KCNH1: variants seen among roughly 807,000 people sequenced by gnomAD.
KCNH1 encodes potassium voltage-gated channel subfamily H member 1.
A neutral mutation model predicts 69.2 loss-of-function variants in KCNH1; 27 were observed. The ratio of observed to expected loss-of-function variants is 0.39; its 90% CI spans 0.29 to 0.54. The LOEUF (loss-of-function observed/expected upper bound fraction) is 0.54, where lower values mean the gene tolerates loss of function less well. Among genes scored for constraint, KCNH1 ranks in the 20% least tolerant of loss-of-function variants. The probability of loss-of-function intolerance (pLI) is 0.68; values close to 1 mark genes in which losing one functional copy is unlikely to be tolerated. For missense variants in KCNH1, 798 were observed against 1,261.6 expected (o/e 0.63, Z 5.57); for synonymous variants, 456 against 487.7 (o/e 0.93, Z 0.86).
At chr1:210,790,382 G>A (rs550832715) in intron 9 of KCNH1, among the ~76,000 whole-genome samples, 26 of 152,164 alleles carry the variant, frequency 1.7e-4, no homozygotes, top group African/African-American at 6.0e-4. Flanking sequence ...TACCACTGAT[G>A]CCTCCATTTC....
intron 7 of KCNH1, among the ~76,000 whole-genome samples, chr1:210,810,323 A>G (rs1684676815): frequency 6.6e-6 from 1 of 152,142 alleles, no homozygotes. Flanking sequence ...TCTCTCTAGA[A>G]ACGCTTTCTA....
At chr1:211,067,144 T>G (rs1253173229) in intron 5 of KCNH1, among the ~76,000 whole-genome samples, 1 of 152,192 alleles carries the variant, frequency 6.6e-6, no homozygotes, top group African/African-American at 2.4e-5. Flanking sequence ...CACTCCCGCA[T>G]GGAAGCCACA....
intron 6 of KCNH1, among the ~76,000 whole-genome samples, chr1:211,014,338 GCT>G (rs1558568198): frequency 2.6e-5 from 4 of 152,118 alleles, no homozygotes; most frequent in African/African-American, 9.7e-5. Context: ...GCTTTAGTTC[GCT>G]CTGTTTCCAG....
intron 1 of KCNH1, among the ~76,000 whole-genome samples, chr1:211,132,056 CTTTT>C (rs1691885845): frequency 1.3e-5 from 2 of 152,194 alleles, no homozygotes; most frequent in African/African-American, 2.4e-5. Flanking sequence ...CATCTTGTGA[CTTTT>C]ACATGTAAGT....
At chr1:210,844,852 A>G (rs1326111102) in intron 7 of KCNH1, among the ~76,000 whole-genome samples, 1 of 152,134 alleles carries the variant, frequency 6.6e-6, no homozygotes, top group East Asian at 1.9e-4. Context: ...AAGAAGAAAA[A>G]AGAGAAGAAT....
At chr1:210,926,017 G>C (rs1397994840) in intron 6 of KCNH1, among the ~76,000 whole-genome samples, 1 of 152,190 alleles carries the variant, frequency 6.6e-6, no homozygotes, top group Admixed American at 6.5e-5. Context: ...CCAACACTTT[G>C]GGAGGCCGAG....
chr1:210,698,789 CTG>C (rs757431277), intron 10 of KCNH1, among the ~76,000 whole-genome samples: 7 of 152,190 alleles, frequency 4.6e-5, no homozygotes, highest in Non-Finnish European at 1.0e-4. Context: ...GGGAACGAGA[CTG>C]TACACAGTGA....
At position 210,873,027 on chromosome 1, in the gene KCNH1, C is replaced by T. The variant is rs185694382; in HGVS notation, c.1462+46613G>A. On this transcript the variant is annotated intron_variant, in intron 7 of 10. Transcript: ENST00000271751. ...ATTTTCAAAGTCCTACTATTCCTTT[C>T]AAGTCCTACTGGGCTTTCTGTAGCT... Among the ~76,000 whole-genome samples, 3 of 152,352 alleles carry T rather than the reference C, an allele frequency of 2.0e-5. No homozygotes were observed. In the East Asian group the frequency reaches 5.8e-4, roughly 29 times the overall value.
rs367651487 is a variant in KCNH1, at chr1:210,952,951, T to C, written c.1033-32882A>G. ...GGTTTTTATTTGGTTGGTTAATTGG[T>C]TGACTGGTTGGTTTTTGATTAGCTC... On this transcript the variant is annotated intron_variant, in intron 6 of 10. Coordinates refer to ENST00000271751, the MANE Select transcript of KCNH1 (RefSeq NM_172362.3). 5.3e-5 allele frequency among the ~76,000 whole-genome samples: 8 copies of C among 152,342 alleles called. No individual in the cohort carries two copies. The East Asian group carries it at 1.5e-3, about 29-fold the overall frequency.
At chr1:211,099,830 G>C (rs1056181171) in intron 3 of KCNH1, among the ~76,000 whole-genome samples, 2 of 152,146 alleles carry the variant, frequency 1.3e-5, no homozygotes, top group Admixed American at 1.3e-4. Context: ...CCAAACTAAG[G>C]GAGGAGCCCA....
At chr1:210,832,676 T>A (rs1329735308) in intron 7 of KCNH1, among the ~76,000 whole-genome samples, 1 of 151,976 alleles carries the variant, frequency 6.6e-6, no homozygotes, top group Non-Finnish European at 1.5e-5. Context: ...CTTTCAGAGA[T>A]CACAAATGAC....
At chr1:210,925,572 C>T (rs1015064877) in intron 6 of KCNH1, among the ~76,000 whole-genome samples, 1 of 152,144 alleles carries the variant, frequency 6.6e-6, no homozygotes, top group Non-Finnish European at 1.5e-5. Flanking sequence ...CAGAGGGCTG[C>T]GTGGGAGCAG....
At chr1:211,063,741 G>A (rs530114420) in intron 5 of KCNH1, 2 of 148,836 alleles carry the variant, frequency 1.3e-5, no homozygotes, top group African/African-American at 2.5e-5. Flanking sequence ...ACTCCATCTC[G>A]GGAGAAAAAA....
intron 7 of KCNH1, among the ~76,000 whole-genome samples, chr1:210,812,740 T>A (rs1411728986): frequency 1.3e-5 from 2 of 152,142 alleles, no homozygotes; most frequent in Non-Finnish European, 2.9e-5. Context: ...CACTTCCAAG[T>A]CAATAATGAG....
intron 10 of KCNH1, among the ~76,000 whole-genome samples, chr1:210,763,189 A>G (rs1163416738): frequency 3.3e-5 from 5 of 152,130 alleles, no homozygotes; most frequent in Admixed American, 3.3e-4. Context: ...TATAATGAAA[A>G]CCCTCAAAAA....
At chr1:211,123,221 T>C (rs542404359) in intron 1 of KCNH1, among the ~76,000 whole-genome samples, 1 of 152,166 alleles carries the variant, frequency 6.6e-6, no homozygotes, top group South Asian at 2.1e-4. Context: ...CACAGAAAAC[T>C]AGGCCTGGAG....
chr1:210,753,193 C>T (rs577084156), intron 10 of KCNH1, among the ~76,000 whole-genome samples: 10 of 152,172 alleles, frequency 6.6e-5, no homozygotes, highest in South Asian at 2.1e-4. Flanking sequence ...TCATAGGAAA[C>T]GAATAATTAG....
intron 7 of KCNH1, among the ~76,000 whole-genome samples, chr1:210,842,118 C>G (rs763213655): frequency 2.6e-5 from 4 of 152,106 alleles, no homozygotes; most frequent in Non-Finnish European, 4.4e-5. Flanking sequence ...GGCTTTGTCC[C>G]CACCAGCTCT....
chr1:211,061,163 A>C (rs1441164377), intron 5 of KCNH1, among the ~76,000 whole-genome samples: 3 of 152,184 alleles, frequency 2.0e-5, no homozygotes, highest in African/African-American at 4.8e-5. Context: ...AAATTATGCA[A>C]ATTAATCAGT....
Sources: gnomAD v4.1 joint callset for allele counts (sites outside exome capture counted in the v4.1 genomes callset) on GRCh38, gnomAD v4.1.1 for gene constraint, MANE v1.5 for transcripts, NCBI Gene and HGNC (gene_info 2026-07-23, HGNC 2026-07-21) for gene names.